DNAAF9: variants seen among roughly 807,000 people sequenced by gnomAD.
The protein encoded by DNAAF9 is dynein axonemal assembly factor 9, also known as shulin.
Under a neutral mutation model 167.0 loss-of-function variants are expected in DNAAF9, and 90 were observed. That is an observed-to-expected ratio of 0.54 (90% CI 0.45 to 0.64). The LOEUF is 0.64. Ranked by LOEUF, DNAAF9 falls within the 30% of genes least tolerant of loss-of-function variation. The pLI is 0.00. For missense variants in DNAAF9, 1,315 were observed against 1,442.2 expected (o/e 0.91, Z 1.43); for synonymous variants, 491 against 508.8 (o/e 0.96, Z 0.47).
intron 21 of DNAAF9, among the ~76,000 whole-genome samples, chr20:3,302,077 G>A (rs1339288825): frequency 6.6e-6 from 1 of 151,792 alleles, no homozygotes; most frequent in Non-Finnish European, 1.5e-5. Flanking sequence ...CAAGTAGCTG[G>A]GATTACAGGC....
intron 17 of DNAAF9, 38 bp from the exon 18 acceptor site, chr20:3,316,831 C>T (rs1359207106): frequency 6.6e-7 from 1 of 1,516,484 alleles, no homozygotes; most frequent in South Asian, 1.1e-5. Flanking sequence ...TAATTCCCTA[C>T]CAGCTCAGCC....
At chr20:3,353,786 C>T (rs1188440129) in intron 7 of DNAAF9, among the ~76,000 whole-genome samples, 2 of 152,054 alleles carry the variant, frequency 1.3e-5, no homozygotes, top group African/African-American at 4.8e-5. Flanking sequence ...AGCAGTCACA[C>T]AGTCAAGCAA....
At chr20:3,262,082 A>G (rs761523376) in intron 31 of DNAAF9, among the ~76,000 whole-genome samples, 5 of 152,122 alleles carry the variant, frequency 3.3e-5, no homozygotes, top group Non-Finnish European at 7.3e-5. Context: ...GAGGGGAGTA[A>G]TATATAGAGA....
chr20:3,261,713 T>C (rs975786151), intron 31 of DNAAF9, among the ~76,000 whole-genome samples: 3 of 150,832 alleles, frequency 2.0e-5, no homozygotes, highest in Admixed American at 2.0e-4. Flanking sequence ...TTTTAAATTG[T>C]TGAAAGTATC....
chr20:3,322,902 C>T (rs1414326847), intron 14 of DNAAF9, among the ~76,000 whole-genome samples: 3 of 151,950 alleles, frequency 2.0e-5, no homozygotes, highest in Admixed American at 1.3e-4. Context: ...CTAATCACAG[C>T]CCTGCCTCTG....
chr20:3,346,594 T>C (rs1036291479), intron 8 of DNAAF9, among the ~76,000 whole-genome samples: 1 of 152,148 alleles, frequency 6.6e-6, no homozygotes, highest in Non-Finnish European at 1.5e-5. Context: ...TATGCTACCC[T>C]TCAATGTTAG....
intron 8 of DNAAF9, among the ~76,000 whole-genome samples, chr20:3,347,671 T>A (rs2070221727): frequency 6.6e-6 from 1 of 152,192 alleles, no homozygotes; most frequent in South Asian, 2.1e-4. Flanking sequence ...CTCACGCCTG[T>A]AATCTCAGCA....
intron 21 of DNAAF9, among the ~76,000 whole-genome samples, chr20:3,300,172 G>A (rs181191785): frequency 2.1e-3 from 316 of 152,250 alleles, no homozygotes; most frequent in African/African-American, 6.8e-3. Context: ...CAAAGTGCTG[G>A]AATTGTTAAG....
intron 6 of DNAAF9, among the ~76,000 whole-genome samples, chr20:3,367,961 A>C (rs2123202018): frequency 6.6e-6 from 1 of 152,032 alleles, no homozygotes; most frequent in East Asian, 1.9e-4. Flanking sequence ...ACCAAAGCAC[A>C]ATAAATTAAG....
In DNAAF9 at chr20:3,250,872, T is replaced by TA. The variant is rs2068184564; in HGVS notation, c.*1699dup. The stretch of plus-strand genomic sequence containing the variant: ...GTTTTTAAAAAGAGTTCGGTAGAGC[T>TA]AAAGGAAGCTACAGTAACTCACTGC... On this transcript the variant is annotated 3_prime_UTR_variant, in exon 37 of 37. Coordinates refer to ENST00000252032, the MANE Select transcript of DNAAF9 (RefSeq NM_001009984.3). The TA allele has an allele frequency of 6.6e-6, 1 of 152,164 alleles. No individual in the cohort carries two copies. The highest frequency in any genetic ancestry group is 2.4e-5 in the African/African-American group (1 of 41,418). The allele number at this position is 152,164 out of a possible 1,614,324, so 9.4% of individuals were successfully genotyped here.
At chr20:3,322,412 A>C in intron 15 of DNAAF9, 150 bp from the exon 16 acceptor site, 1 of 762,660 alleles carries the variant, frequency 1.3e-6, no homozygotes. Flanking sequence ...ATGTCTGTAG[A>C]ATTGGTATGT....
rs138205183 is a variant in DNAAF9 at position 3,392,981 on chromosome 20, G to A, written c.84-10475C>T. Among the ~76,000 whole-genome samples, 412 of 152,154 alleles carry A rather than the reference G, an allele frequency of 2.7e-3. 1 individual carries two copies. Among genetic ancestry groups the A allele is most frequent in the African/African-American group, 9.3e-3 (387 of 41,496 alleles). ...TACATAGTTTTGGTGTTTTTCTGTT[G>A]GGGAAGTATTTGTTTTTACATAAGC... On this transcript the variant is annotated intron_variant, in intron 1 of 36. Coordinates refer to ENST00000252032, the MANE Select transcript of DNAAF9 (RefSeq NM_001009984.3).
chr20:3,352,900 A>C (rs927481596), intron 7 of DNAAF9, among the ~76,000 whole-genome samples: 1 of 148,670 alleles, frequency 6.7e-6, no homozygotes, highest in African/African-American at 2.5e-5. Context: ...TATATATGTA[A>C]ATTCCATATG....
chr20:3,267,601 G>A (rs1247910645), intron 30 of DNAAF9, among the ~76,000 whole-genome samples: 1 of 151,704 alleles, frequency 6.6e-6, no homozygotes, highest in Non-Finnish European at 1.5e-5. Flanking sequence ...TTGGGAGGCC[G>A]AGGTGGGTGG....
chr20:3,254,073 TTTTA>T (rs891604462), intron 35 of DNAAF9, among the ~76,000 whole-genome samples: 8 of 152,202 alleles, frequency 5.3e-5, no homozygotes, highest in South Asian at 2.1e-4. Context: ...AAACACACTC[TTTTA>T]TTTATTTATT....
Position 3,336,258 on chromosome 20 carries a change from G to GT in DNAAF9, c.982-3898dup, listed in dbSNP as rs367718705. On this transcript the variant is annotated intron_variant, in intron 10 of 36. Coordinates refer to ENST00000252032, the MANE Select transcript of DNAAF9 (RefSeq NM_001009984.3). ...TGCAGATTCACAGTTTTGCGTTTTT[G>GT]TTTTTTTTTTTTTTTTTGCCAAATT... is the stretch of plus-strand genomic sequence containing the variant. Among the ~76,000 whole-genome samples the GT allele has an allele frequency of 9.7e-3, 1,099 of 113,532 alleles. 30 individuals are homozygous for GT. The highest frequency in any genetic ancestry group is 0.012 in the Non-Finnish European group (708 of 57,830). 74.5% of individuals were successfully genotyped at this position (113,532 alleles called of 152,430 possible). A position where few individuals can be genotyped will look rare whatever the true frequency, so the allele number is the denominator to read the frequency against.
intron 21 of DNAAF9, among the ~76,000 whole-genome samples, chr20:3,301,576 C>G (rs2069190465): frequency 6.6e-6 from 1 of 152,174 alleles, no homozygotes; most frequent in African/African-American, 2.4e-5. Flanking sequence ...ACTGCACTCT[C>G]TTCCCCTCTT....
chr20:3,366,874 G>A lies in DNAAF9; in HGVS notation c.612+7174C>T, dbSNP rs544023964. Among the ~76,000 whole-genome samples, 7 of 151,136 alleles carry A rather than the reference G, an allele frequency of 4.6e-5. 1 individual carries two copies. The highest frequency in any genetic ancestry group is 9.7e-5 in the African/African-American group (4 of 41,134). ...TGGGAGGTCAAGGCTACACTGAGCC[G>A]TGATCACACCACTGCACTCCAGCCT... On this transcript the variant is annotated intron_variant, in intron 6 of 36. Transcript: ENST00000252032.
rs80087421 is a variant in DNAAF9 at position 3,364,947 on chromosome 20, C to CTT, written c.613-5356_613-5355dup. 7.2e-4 allele frequency among the ~76,000 whole-genome samples: 63 copies of CTT among 87,618 alleles called. No homozygotes were observed. The Middle Eastern group carries it at 0.025, about 35-fold the overall frequency. 57.5% of individuals were successfully genotyped at this position (87,618 alleles called of 152,430 possible). A position where few individuals can be genotyped will look rare whatever the true frequency, so the allele number is the denominator to read the frequency against. ...CTCTCTCTCCTTCTTTTCCTTTTTT[C>CTT]TTTTTTTTTTTTTTGAAATAGAGCC... On this transcript the variant is annotated intron_variant, in intron 6 of 36. Coordinates refer to ENST00000252032, the MANE Select transcript of DNAAF9 (RefSeq NM_001009984.3).
Sources: gnomAD v4.1 joint callset for allele counts (sites outside exome capture counted in the v4.1 genomes callset) on GRCh38, gnomAD v4.1.1 for gene constraint, MANE v1.5 for transcripts, NCBI Gene and HGNC (gene_info 2026-07-23, HGNC 2026-07-21) for gene names.